Variants in KDM3B observed in about 807,000 individuals in gnomAD.
The protein encoded by KDM3B is lysine-specific demethylase 3B.
Under a neutral mutation model 170.0 loss-of-function variants are expected in KDM3B, and 10 were observed. The observed-to-expected ratio is 0.06, with a 90% CI of 0.04 to 0.10. KDM3B has a LOEUF of 0.10. KDM3B is among the 10% of genes least tolerant of loss of function. KDM3B has a pLI of 1.00. For synonymous variants in KDM3B, 831 were observed against 834.8 expected, an observed-to-expected ratio of 1.00 and a Z score of 0.08; for missense variants, 1,394 against 2,195.2, an observed-to-expected ratio of 0.64 and a Z score of 7.29.
At chr5:138,423,895 A>G (rs1457604734) in intron 15 of KDM3B, among the ~76,000 whole-genome samples, 180 bp from the exon 16 acceptor site, 6 of 152,218 alleles carry the variant, frequency 3.9e-5, no homozygotes, top group Non-Finnish European at 7.3e-5. Flanking sequence ...ATGAAGGATA[A>G]AAGAATTTAA....
intron 20 of KDM3B, among the ~76,000 whole-genome samples, chr5:138,428,475 T>C (rs1763451195): frequency 6.6e-6 from 1 of 152,182 alleles, no homozygotes; most frequent in Admixed American, 6.5e-5. Context: ...CCTCCCAAAG[T>C]GCTGGGATTA....
chr5:138,422,538 G>T (rs1187674332), intron 15 of KDM3B, among the ~76,000 whole-genome samples: 1 of 152,166 alleles, frequency 6.6e-6, no homozygotes, highest in Non-Finnish European at 1.5e-5. Context: ...TACTCGGGAG[G>T]TTGAGGCAGG....
In KDM3B at chr5:138,436,441, A is replaced by C. The variant is rs190428272; in HGVS notation, c.*741A>C. On this transcript the variant is annotated 3_prime_UTR_variant, in exon 24 of 24. Coordinates refer to ENST00000314358, the MANE Select transcript of KDM3B (RefSeq NM_016604.4). ...CTTTCGATATAAAACTCTTTGAAGA[A>C]ATATGATTTTTAGAAATCAGCTACC... 7.2e-5 allele frequency: 11 copies of C among 152,362 alleles called. No homozygotes were observed. Among genetic ancestry groups the C allele is most frequent in the Admixed American group, 5.9e-4 (9 of 15,300 alleles). 9.4% of individuals were successfully genotyped at this position (152,362 alleles called of 1,614,324 possible). A position where few individuals can be genotyped will look rare whatever the true frequency, so the allele number is the denominator to read the frequency against.
At chr5:138,403,252 A>G (rs1486851484) in intron 11 of KDM3B, among the ~76,000 whole-genome samples, 1 of 152,224 alleles carries the variant, frequency 6.6e-6, no homozygotes, top group Non-Finnish European at 1.5e-5. Flanking sequence ...CCCACTACCC[A>G]GAAAAGTCAC....
At chr5:138,387,757 A>G (rs1762310293) in intron 7 of KDM3B, among the ~76,000 whole-genome samples, 1 of 152,180 alleles carries the variant, frequency 6.6e-6, no homozygotes, top group Admixed American at 6.5e-5. Flanking sequence ...TTTCCAGTGT[A>G]AATCATCATA....
intron 1 of KDM3B, among the ~76,000 whole-genome samples, chr5:138,353,421 G>C (rs1761378472): frequency 6.6e-6 from 1 of 152,206 alleles, no homozygotes; most frequent in South Asian, 2.1e-4. Context: ...TTTTCTCCCA[G>C]AGCCCCAAGT....
chr5:138,433,410 T>G (rs1345738136), intron 23 of KDM3B, among the ~76,000 whole-genome samples: 1 of 125,554 alleles, frequency 8.0e-6, no homozygotes, highest in African/African-American at 2.9e-5. Context: ...ACTGCGGCTG[T>G]TTTTTTTTTT....
rs1246361561 is a variant in KDM3B, at chr5:138,392,399, C to T, written c.2629+138C>T. ...GAATTACAGAGCCAAGAGGACCTGG[C>T]AGAGGCCCCTCGTCAGGCCTGGTTC... On this transcript the variant is annotated intron_variant, in intron 8 of 23. Transcript: ENST00000314358. 2.9e-5 allele frequency: 26 copies of T among 898,958 alleles called. No individual in the cohort carries two copies. The East Asian group carries it at 7.4e-4, about 25-fold the overall frequency. 55.7% of individuals were successfully genotyped at this position (898,958 alleles called of 1,614,324 possible). A position where few individuals can be genotyped will look rare whatever the true frequency, so the allele number is the denominator to read the frequency against.
chr5:138,376,319 C>CTT (rs1375655822), intron 3 of KDM3B, among the ~76,000 whole-genome samples: 1 of 152,134 alleles, frequency 6.6e-6, no homozygotes, highest in Non-Finnish European at 1.5e-5. Flanking sequence ...TTGCAAAGTA[C>CTT]TTTTGGTGGC....
At chr5:138,381,353 C>G (rs1473971230) in intron 5 of KDM3B, among the ~76,000 whole-genome samples, 163 bp from the exon 6 acceptor site, 1 of 152,178 alleles carries the variant, frequency 6.6e-6, no homozygotes, top group Non-Finnish European at 1.5e-5. Context: ...TATTCTAGAC[C>G]TGTTGTAGCA....
chr5:138,404,702 A>T (rs1762772854), intron 11 of KDM3B, among the ~76,000 whole-genome samples: 1 of 151,158 alleles, frequency 6.6e-6, no homozygotes, highest in Admixed American at 6.6e-5. Context: ...AAAACAATGG[A>T]ATGAACTTTT....
intron 8 of KDM3B, 36 bp from the exon 9 acceptor site, chr5:138,393,135 T>C (rs779789197): frequency 6.2e-7 from 1 of 1,600,524 alleles, no homozygotes; most frequent in Admixed American, 1.7e-5. Flanking sequence ...TGTTTACACC[T>C]CATGACAAAC....
At chr5:138,358,230 G>A (rs1378270440) in intron 1 of KDM3B, among the ~76,000 whole-genome samples, 2 of 151,202 alleles carry the variant, frequency 1.3e-5, no homozygotes, top group East Asian at 3.9e-4. Context: ...TGATCTGCCT[G>A]CCTCGGCCTT....
rs1011775003 is a variant in KDM3B, at chr5:138,435,764, C to T, written c.*64C>T. 28 of 1,281,378 alleles carry T rather than the reference C, an allele frequency of 2.2e-5. No homozygotes were observed. The highest frequency in any genetic ancestry group is 5.7e-5 in the Admixed American group (3 of 52,508). 79.4% of individuals were successfully genotyped at this position (1,281,378 alleles called of 1,614,324 possible). A position where few individuals can be genotyped will look rare whatever the true frequency, so the allele number is the denominator to read the frequency against. On this transcript the variant is annotated 3_prime_UTR_variant, in exon 24 of 24. Transcript: ENST00000314358. ...TTCACTCACAACACTTAACAGGGAA[C>T]GGCAGGGCTCTTTGCTGGAGCAGAG...
At chr5:138,425,293 C>G (rs1763366975) in intron 16 of KDM3B, 118 bp from the exon 17 acceptor site, 1 of 830,650 alleles carries the variant, frequency 1.2e-6, no homozygotes, top group South Asian at 1.9e-5. Flanking sequence ...TAGGAAAGAA[C>G]AGTAGAGCTT....
intron 9 of KDM3B, among the ~76,000 whole-genome samples, chr5:138,394,270 A>C (rs1446006288): frequency 6.6e-6 from 1 of 152,206 alleles, no homozygotes; most frequent in Non-Finnish European, 1.5e-5. Context: ...GCTACTCAGG[A>C]GGCTGAGGTG....
At chr5:138,390,008 T>C (rs1470215781) in intron 7 of KDM3B, among the ~76,000 whole-genome samples, 1 of 151,954 alleles carries the variant, frequency 6.6e-6, no homozygotes, top group African/African-American at 2.4e-5. Context: ...TACAGGCACG[T>C]GCCACCATGC....
At chr5:138,361,118 C>T (rs2126908539) in intron 1 of KDM3B, among the ~76,000 whole-genome samples, 1 of 152,312 alleles carries the variant, frequency 6.6e-6, no homozygotes, top group East Asian at 1.9e-4. Flanking sequence ...ATAGGCTTTG[C>T]TTCCACAAGG....
In KDM3B at chr5:138,379,589, T is replaced by C; in HGVS notation, c.586T>C (p.Tyr196His). ...KLQEIFSRGP[Y>H]SVQGHRVKIY... is the part of the protein sequence containing the mutation. ...CTGACTGATCTCCCTTTTAGGTCCC[T>C]ACAGTGTTCAAGGTCACAGGGTCAA... Residue 196 changes from tyrosine to histidine, a missense_variant, in exon 5 of 24, where the codon TAC (tyrosine) becomes CAC (histidine). Coordinates refer to ENST00000314358, the MANE Select transcript of KDM3B (RefSeq NM_016604.4). 1 of 1,613,184 alleles carries C rather than the reference T, an allele frequency of 6.2e-7. No individual in the cohort carries two copies. Among genetic ancestry groups the C allele is most frequent in the Non-Finnish European group, 8.5e-7 (1 of 1,179,538 alleles).
Sources: gnomAD v4.1 joint callset for allele counts (sites outside exome capture counted in the v4.1 genomes callset) on GRCh38, gnomAD v4.1.1 for gene constraint, MANE v1.5 for transcripts, NCBI Gene and HGNC (gene_info 2026-07-23, HGNC 2026-07-21) for gene names.